Variants in MMP26 observed in about 807,000 individuals in gnomAD.
MMP26 encodes matrix metalloproteinase-26.
Under a neutral mutation model 31.0 loss-of-function variants are expected in MMP26, and 33 were observed. That is an observed-to-expected ratio of 1.06 (90% CI 0.81 to 1.42). The LOEUF (loss-of-function observed/expected upper bound fraction) is 1.42. Ranked by LOEUF, MMP26 falls within the 40% of genes most tolerant of loss-of-function variation. The pLI, the probability that MMP26 is intolerant of heterozygous loss-of-function variation, is 0.00. For synonymous variants in MMP26, 122 were observed against 114.9 expected (o/e 1.06, Z -0.40); for missense variants, 347 against 316.1 (o/e 1.10, Z -0.74).
At chr11:4,716,148 T>A (rs772412161) in intron 1 of MMP26, among the ~76,000 whole-genome samples, 7 of 152,186 alleles carry the variant, frequency 4.6e-5, no homozygotes, top group Non-Finnish European at 1.0e-4. Flanking sequence ...TACGGCAATC[T>A]GAGTGAGGAT....
At position 4,953,068 on chromosome 11, in the gene MMP26, A is replaced by C. The variant is rs531626761; in HGVS notation, c.-144-35000A>C. ...GCAAGATTTTGAGGTCATAGTGGGA[A>C]GGAAAGTTGGACTATTTTTCAGCCA... On this transcript the variant is annotated intron_variant, in intron 2 of 7. Transcript: ENST00000380390. Among the ~76,000 whole-genome samples, 6 of 125,562 alleles carry C rather than the reference A, an allele frequency of 4.8e-5. 2 individuals carry two copies. Among genetic ancestry groups the C allele is most frequent in the African/African-American group, 1.6e-4 (6 of 36,994 alleles). 82.4% of individuals were successfully genotyped at this position (125,562 alleles called of 152,430 possible). A position where few individuals can be genotyped will look rare whatever the true frequency, so the allele number is the denominator to read the frequency against.
chr11:4,915,761 A>AG (rs1003165697), intron 2 of MMP26: 1 of 695,134 alleles, frequency 1.4e-6, no homozygotes, highest in African/African-American at 1.8e-5. Context: ...TAAAGAAAAA[A>AG]AATAGAATCA....
intron 2 of MMP26, chr11:4,877,088 C>T (rs1490453388): frequency 6.6e-6 from 1 of 152,398 alleles, no homozygotes; most frequent in African/African-American, 2.4e-5. Context: ...ATGTCCTCTC[C>T]CATGCATACT....
chr11:4,777,310 A>C (rs558541219), intron 2 of MMP26, among the ~76,000 whole-genome samples: 12 of 152,332 alleles, frequency 7.9e-5, no homozygotes, highest in African/African-American at 2.6e-4. Flanking sequence ...GTTAAACTTT[A>C]TATAGATAAT....
chr11:4,762,611 A>C (rs1298925187), intron 1 of MMP26, among the ~76,000 whole-genome samples: 1 of 152,198 alleles, frequency 6.6e-6, no homozygotes, highest in Non-Finnish European at 1.5e-5. Context: ...ACTGGCAGCT[A>C]TCATCAGGTA....
chr11:4,989,689 A>C lies in MMP26; in HGVS notation c.141A>C (p.Pro47=). 1 of 1,613,490 alleles carries C rather than the reference A, an allele frequency of 6.2e-7. No homozygotes were observed. The highest frequency in any genetic ancestry group is 1.1e-5 in the South Asian group (1 of 91,046). ...TTTTCCTGACCAAGAAGGAGTCGCCACTCCTTACCCAGGAGACACAAACAC... is the reference window on the plus strand; with the variant it reads ...TTTTCCTGACCAAGAAGGAGTCGCCCCTCCTTACCCAGGAGACACAAACAC... ...HQFFLTKKES[P]LLTQETQTQL... is the part of the protein sequence containing the mutation. Residue 47 remains proline (P), a synonymous_variant, in exon 4 of 8, where the codon CCA becomes CCC. Transcript: ENST00000380390.
intron 1 of MMP26, chr11:4,719,300 T>C (rs539550087): frequency 6.5e-6 from 1 of 153,566 alleles, no homozygotes; most frequent in Admixed American, 6.5e-5. Flanking sequence ...GTTCTCAGCA[T>C]TGCTTCCCCG....
intron 2 of MMP26, among the ~76,000 whole-genome samples, chr11:4,950,791 T>A (rs1846364995): frequency 8.1e-6 from 1 of 123,600 alleles, no homozygotes; most frequent in Admixed American, 9.1e-5. Context: ...ACTGTTCAAT[T>A]TGCATTTGGA....
chr11:4,771,994 T>G (rs1848729674), intron 2 of MMP26, among the ~76,000 whole-genome samples: 1 of 152,206 alleles, frequency 6.6e-6, no homozygotes, highest in African/African-American at 2.4e-5. Context: ...AAGAGGAACC[T>G]TCTCTGTCTT....
At chr11:4,886,974 T>G (rs1589929704) in intron 2 of MMP26, among the ~76,000 whole-genome samples, 1 of 152,012 alleles carries the variant, frequency 6.6e-6, no homozygotes, top group Non-Finnish European at 1.5e-5. Context: ...TTTTTGTGGG[T>G]GATAAAAATC....
intron 2 of MMP26, among the ~76,000 whole-genome samples, chr11:4,931,187 G>A (rs1260970731): frequency 6.6e-6 from 1 of 152,084 alleles, no homozygotes; most frequent in African/African-American, 2.4e-5. Context: ...GACTGGATGA[G>A]TATGAAGAGC....
chr11:4,754,956 G>T (rs1848488311), intron 1 of MMP26, among the ~76,000 whole-genome samples: 1 of 151,856 alleles, frequency 6.6e-6, no homozygotes, highest in Non-Finnish European at 1.5e-5. Flanking sequence ...TCACCACTTT[G>T]ATTAATAGCT....
chr11:4,803,471 C>T (rs752734603), intron 2 of MMP26: 12 of 1,613,230 alleles, frequency 7.4e-6, no homozygotes, highest in Non-Finnish European at 9.3e-6. Flanking sequence ...ATAACCCTGT[C>T]CCCGATCTGT....
intron 1 of MMP26, among the ~76,000 whole-genome samples, chr11:4,714,916 TCTCTCACA>T (rs1287088384): frequency 1.5e-5 from 2 of 133,316 alleles, no homozygotes; most frequent in Non-Finnish European, 3.2e-5. Context: ...TCTCTCTCTC[TCTCTCACA>T]CACACACACA....
intron 2 of MMP26, among the ~76,000 whole-genome samples, chr11:4,865,024 A>T (rs1159411252): frequency 6.6e-6 from 1 of 152,078 alleles, no homozygotes; most frequent in Non-Finnish European, 1.5e-5. Flanking sequence ...TTCATTCAGC[A>T]TTCCTTGTTA....
At chr11:4,846,509 A>G (rs1404473743) in intron 2 of MMP26, among the ~76,000 whole-genome samples, 1 of 152,170 alleles carries the variant, frequency 6.6e-6, no homozygotes, top group Non-Finnish European at 1.5e-5. Flanking sequence ...GAGTGACTCT[A>G]GTCAATAATA....
chr11:4,785,378 G>A (rs969533003), intron 2 of MMP26, among the ~76,000 whole-genome samples: 4 of 152,038 alleles, frequency 2.6e-5, no homozygotes, highest in Non-Finnish European at 1.5e-5. Context: ...ATGAGACTCT[G>A]TAGTTAAAGT....
intron 2 of MMP26, among the ~76,000 whole-genome samples, chr11:4,804,816 C>CCAAAAAAAAAAAAAA (rs1849243533): frequency 1.4e-5 from 2 of 147,116 alleles, no homozygotes; most frequent in African/African-American, 2.5e-5. Context: ...CAAAAAAAAA[C>CCAAAAAAAAAAAAAA]CCCATTAGCC....
At position 4,716,650 on chromosome 11, in the gene MMP26, CTTTTTTTTTTTTTT is replaced by C. The variant is rs71050424; in HGVS notation, c.-217+11620_-217+11633del. ...ATTCCATACTTGATCTCTCTTACCT[CTTTTTTTTTTTTTT>C]TTTTTTTTTTTTTTGAGATGGAGTT... is the stretch of plus-strand genomic sequence containing the variant. On this transcript the variant is annotated intron_variant, in intron 1 of 7. Transcript: ENST00000380390. 1.0e-3 allele frequency among the ~76,000 whole-genome samples: 68 copies of C among 65,042 alleles called. 2 individuals carry two copies. The South Asian group carries it at 0.027, about 26-fold the overall frequency. 42.7% of individuals were successfully genotyped at this position (65,042 alleles called of 152,430 possible). A position where few individuals can be genotyped will look rare whatever the true frequency, so the allele number is the denominator to read the frequency against.
Sources: gnomAD v4.1 joint callset for allele counts (sites outside exome capture counted in the v4.1 genomes callset) on GRCh38, gnomAD v4.1.1 for gene constraint, MANE v1.5 for transcripts, NCBI Gene and HGNC (gene_info 2026-07-23, HGNC 2026-07-21) for gene names.